TOX2: variants seen among roughly 807,000 people sequenced by gnomAD.
The protein encoded by TOX2 is TOX high mobility group box family member 2, also known as granulosa cell HMG box 1.
In TOX2, 15 loss-of-function variants were observed where a neutral mutation model predicts 47.4. That is an observed-to-expected ratio of 0.32 (90% CI 0.21 to 0.49). The LOEUF (loss-of-function observed/expected upper bound fraction) is 0.49. TOX2 is among the 20% of genes least tolerant of loss of function. TOX2 has a pLI of 0.99. For missense variants in TOX2, 622 were observed against 673.1 expected, an observed-to-expected ratio of 0.92 and a Z score of 0.84; for synonymous variants, 290 against 296.6, an observed-to-expected ratio of 0.98 and a Z score of 0.23.
At chr20:44,025,761 G>C (rs560324411) in intron 3 of TOX2, among the ~76,000 whole-genome samples, 1 of 151,784 alleles carries the variant, frequency 6.6e-6, no homozygotes, top group Non-Finnish European at 1.5e-5. Flanking sequence ...CATCAGGAGA[G>C]CAGGGACCTT....
intron 1 of TOX2, among the ~76,000 whole-genome samples, chr20:43,929,515 G>A (rs562829506): frequency 7.2e-5 from 11 of 152,002 alleles, no homozygotes; most frequent in South Asian, 2.1e-4. Context: ...GTTCTTTTGC[G>A]CTTGAGGGGC....
chr20:43,924,233 C>T (rs1472468196), intron 1 of TOX2, among the ~76,000 whole-genome samples: 2 of 152,152 alleles, frequency 1.3e-5, no homozygotes, highest in African/African-American at 2.4e-5. Flanking sequence ...TAGTGATGGT[C>T]ACTCACTTGC....
chr20:43,934,510 T>C (rs1600660302), intron 1 of TOX2, among the ~76,000 whole-genome samples: 1 of 152,154 alleles, frequency 6.6e-6, no homozygotes, highest in South Asian at 2.1e-4. Flanking sequence ...TAAGGGACCA[T>C]ACCACATAGG....
At chr20:43,999,333 T>G (rs1234645037) in intron 2 of TOX2, among the ~76,000 whole-genome samples, 2 of 152,258 alleles carry the variant, frequency 1.3e-5, no homozygotes, top group South Asian at 2.1e-4. Flanking sequence ...TGGTGTAAAA[T>G]TTTTGCTTTT....
chr20:44,064,451 G>A (rs1181528906), intron 5 of TOX2, among the ~76,000 whole-genome samples: 1 of 152,254 alleles, frequency 6.6e-6, no homozygotes, highest in African/African-American at 2.4e-5. Flanking sequence ...TAAGAAATCT[G>A]CACTGTGCTG....
intron 5 of TOX2, among the ~76,000 whole-genome samples, chr20:44,058,135 G>A (rs1184053185): frequency 6.6e-6 from 1 of 152,248 alleles, no homozygotes; most frequent in Non-Finnish European, 1.5e-5. Context: ...TGAAGGATGT[G>A]GATTGCTGCT....
intron 3 of TOX2, among the ~76,000 whole-genome samples, chr20:44,008,748 A>G (rs2070730463): frequency 6.6e-6 from 1 of 152,116 alleles, no homozygotes; most frequent in Non-Finnish European, 1.5e-5. Context: ...CGTACTAGTC[A>G]TGACTCTTAC....
chr20:43,999,006 C>T (rs962489225), intron 2 of TOX2, among the ~76,000 whole-genome samples: 8 of 152,154 alleles, frequency 5.3e-5, no homozygotes, highest in Admixed American at 5.2e-4. Context: ...GTGATCTACC[C>T]ACCTTGGCCT....
intron 2 of TOX2, among the ~76,000 whole-genome samples, chr20:43,974,955 C>T (rs764599346): frequency 6.6e-6 from 1 of 152,280 alleles, no homozygotes; most frequent in Non-Finnish European, 1.5e-5. Context: ...CGCCAACATG[C>T]AAGACTGGTG....
chr20:43,962,945 A>T (rs182229059), intron 1 of TOX2, among the ~76,000 whole-genome samples: 1 of 152,246 alleles, frequency 6.6e-6, no homozygotes, highest in Non-Finnish European at 1.5e-5. Flanking sequence ...ATTCCAATAC[A>T]TCATCAATAT....
At chr20:43,971,352 G>A (rs2069961549) in intron 1 of TOX2, among the ~76,000 whole-genome samples, 1 of 152,210 alleles carries the variant, frequency 6.6e-6, no homozygotes. Context: ...CAAAGACCAA[G>A]GGAAGGCGGG....
intron 4 of TOX2, among the ~76,000 whole-genome samples, chr20:44,053,515 A>C (rs1158719662): frequency 1.4e-5 from 2 of 141,642 alleles, no homozygotes; most frequent in African/African-American, 5.4e-5. Context: ...TATATACTAT[A>C]TATACACATA....
chr20:44,004,251 C>T (rs1416105483), intron 2 of TOX2, among the ~76,000 whole-genome samples: 4 of 152,242 alleles, frequency 2.6e-5, no homozygotes, highest in East Asian at 3.9e-4. Context: ...CGAGAGGCTC[C>T]GCCCTGGAGC....
At chr20:44,006,471 T>C in intron 2 of TOX2, 76 bp from the exon 3 acceptor site, 1 of 1,528,138 alleles carries the variant, frequency 6.5e-7, no homozygotes, top group Non-Finnish European at 8.8e-7. Flanking sequence ...TTATTGTTGC[T>C]GTTATTGGTG....
chr20:43,916,405 C>T lies in TOX2; in HGVS notation c.99+1415C>T, dbSNP rs2069055731. On this transcript the variant is annotated intron_variant, in intron 1 of 8. Transcript: ENST00000341197. This position sits in a 1 kb window ranked among gnomAD's most constrained non-coding sequence, Gnocchi z 5.0. The stretch of plus-strand genomic sequence containing the variant: ...AGCGGCTTCTGGCAAAGCCTCCCTG[C>T]AGTTCGCCAGGGGCAGCAAGCATCC... Among the ~76,000 whole-genome samples the T allele has an allele frequency of 6.6e-6, 1 of 152,240 alleles. No homozygotes were observed. The highest frequency in any genetic ancestry group is 2.4e-5 in the African/African-American group (1 of 41,464).
At chr20:44,052,226 C>G (rs553615848) in intron 4 of TOX2, among the ~76,000 whole-genome samples, 1 of 152,266 alleles carries the variant, frequency 6.6e-6, no homozygotes, top group South Asian at 2.1e-4. Flanking sequence ...GTGGTTTGAC[C>G]TCCTCAAGAA....
intron 1 of TOX2, among the ~76,000 whole-genome samples, chr20:43,940,398 T>C (rs1252307215): frequency 6.6e-6 from 1 of 151,164 alleles, no homozygotes; most frequent in African/African-American, 2.4e-5. Flanking sequence ...TTTTTTTTTG[T>C]CTGTTTTTCA....
intron 3 of TOX2, among the ~76,000 whole-genome samples, chr20:44,021,609 C>T (rs2145651952): frequency 6.6e-6 from 1 of 152,280 alleles, no homozygotes; most frequent in East Asian, 1.9e-4. Context: ...AGTACATTGG[C>T]TGTGCCCTGC....
chr20:44,032,303 C>T (rs180950613), intron 3 of TOX2, among the ~76,000 whole-genome samples: 39 of 152,330 alleles, frequency 2.6e-4, no homozygotes, highest in African/African-American at 7.5e-4. Context: ...TTCTTCATTG[C>T]GGGGCTGCCC....
Sources: allele counts gnomAD v4.1 joint callset (sites outside exome capture counted in the v4.1 genomes callset), GRCh38; gene constraint gnomAD v4.1.1; non-coding constraint Gnocchi (gnomAD v3.1); transcripts MANE v1.5; gene names NCBI Gene and HGNC (gene_info 2026-07-23, HGNC 2026-07-21).